DAB2IP: variants seen among roughly 807,000 people sequenced by gnomAD.
The protein encoded by DAB2IP is disabled homolog 2-interacting protein.
In DAB2IP, 28 loss-of-function variants were observed where a neutral mutation model predicts 107.2. The observed-to-expected ratio is 0.26, with a 90% confidence interval of 0.19 to 0.36. DAB2IP has a LOEUF of 0.36. DAB2IP is among the 10% of genes least tolerant of loss of function. DAB2IP has a pLI of 1.00. For synonymous variants in DAB2IP, 755 were observed against 706.4 expected, an observed-to-expected ratio of 1.07 and a Z score of -1.09; for missense variants, 1,400 against 1,644.7, an observed-to-expected ratio of 0.85 and a Z score of 2.57.
At chr9:121,682,958 G>C (rs1319856070) in intron 2 of DAB2IP, among the ~76,000 whole-genome samples, 1 of 152,154 alleles carries the variant, frequency 6.6e-6, no homozygotes. Context: ...CCTGAATGAG[G>C]ATGGGGGAAG....
At chr9:121,687,523 G>T (rs1253965895) in intron 2 of DAB2IP, among the ~76,000 whole-genome samples, 2 of 152,218 alleles carry the variant, frequency 1.3e-5, no homozygotes, top group African/African-American at 4.8e-5. Flanking sequence ...GGGTAAGGCG[G>T]GCATTGTGGG....
intron 1 of DAB2IP, among the ~76,000 whole-genome samples, chr9:121,666,600 G>T (rs1469197370): frequency 6.6e-6 from 1 of 152,098 alleles, no homozygotes; most frequent in African/African-American, 2.4e-5. Flanking sequence ...CTGTCGGCGG[G>T]TTGGGGGGCC....
intron 3 of DAB2IP, among the ~76,000 whole-genome samples, chr9:121,730,388 C>T (rs763091728): frequency 6.6e-6 from 1 of 152,238 alleles, no homozygotes; most frequent in Non-Finnish European, 1.5e-5. Flanking sequence ...GGGTCTGTTG[C>T]TGGGCCCTGC....
intron 1 of DAB2IP, among the ~76,000 whole-genome samples, chr9:121,594,388 C>T (rs998495120): frequency 6.6e-6 from 1 of 152,004 alleles, no homozygotes; most frequent in African/African-American, 2.4e-5. Context: ...CAGGTGTGTG[C>T]CACCATGCCC....
At chr9:121,640,586 T>C (rs937693883) in intron 1 of DAB2IP, among the ~76,000 whole-genome samples, 7 of 152,072 alleles carry the variant, frequency 4.6e-5, no homozygotes, top group Non-Finnish European at 8.8e-5. Context: ...TCTGGGCTTT[T>C]AAATGAGGAT....
At chr9:121,673,147 A>G (rs1465601013) in intron 1 of DAB2IP, among the ~76,000 whole-genome samples, 2 of 152,196 alleles carry the variant, frequency 1.3e-5, no homozygotes, top group African/African-American at 4.8e-5. Context: ...ATCAGCTCAG[A>G]GAGAGAAAGG....
rs928193365 is a variant in DAB2IP, at chr9:121,760,254, C to T, written c.985C>T (p.Arg329Cys). 1 of 1,613,812 alleles carries T rather than the reference C, an allele frequency of 6.2e-7. No individual in the cohort carries two copies. The highest frequency in any genetic ancestry group is 8.5e-7 in the Non-Finnish European group (1 of 1,180,012). Residue 329 changes from arginine (R) to cysteine (C), a missense_variant, in exon 6 of 16, where the codon CGC (arginine) becomes TGC (cysteine). Arg to Cys is a radical substitution (Grantham distance 180). Transcript: ENST00000408936. This position sits in a 1 kb window ranked among gnomAD's most constrained non-coding sequence, Gnocchi z 5.9. ...CGGCAAGGGCCCTGGACCCATGATC[C>T]GCATCAAGGCGCGCTACCAAACCAT...
chr9:121,629,222 C>T (rs1294595189), intron 1 of DAB2IP, among the ~76,000 whole-genome samples: 3 of 152,160 alleles, frequency 2.0e-5, no homozygotes, highest in Non-Finnish European at 4.4e-5. Context: ...AAAAGCAGTC[C>T]CTCAGGGACA....
intron 1 of DAB2IP, among the ~76,000 whole-genome samples, chr9:121,641,992 C>CTCTCTCTCT (rs1346700067): frequency 1.0e-4 from 3 of 29,326 alleles, no homozygotes; most frequent in Admixed American, 4.8e-4. Flanking sequence ...TTCTTTCTTT[C>CTCTCTCTCT]CTTTCTCTCT....
At chr9:121,783,210 T>A in exon 16 of DAB2IP, 1 of 1,166,250 alleles carries the variant, frequency 8.6e-7, no homozygotes, top group South Asian at 2.3e-5. Flanking sequence ...ATAGACCCAG[T>A]GAGGGCCATG....
At chr9:121,656,501 C>T (rs568793422) in intron 1 of DAB2IP, among the ~76,000 whole-genome samples, 50 of 152,354 alleles carry the variant, frequency 3.3e-4, no homozygotes, top group African/African-American at 1.2e-3. Flanking sequence ...TCATTATGCC[C>T]TTTTCTGCCT....
At chr9:121,584,356 T>C (rs1830269635) in intron 1 of DAB2IP, among the ~76,000 whole-genome samples, 2 of 151,636 alleles carry the variant, frequency 1.3e-5, no homozygotes, top group African/African-American at 4.9e-5. Flanking sequence ...TGAATTATAA[T>C]GTGATCACGC....
At chr9:121,589,206 G>T (rs1025954446) in intron 1 of DAB2IP, among the ~76,000 whole-genome samples, 4 of 152,120 alleles carry the variant, frequency 2.6e-5, no homozygotes, top group African/African-American at 9.7e-5. Context: ...CAGTAAGGTC[G>T]CTCAGTAGCC....
In DAB2IP at chr9:121,651,598, G is replaced by C. The variant is rs1832739716; in HGVS notation, c.-178G>C. 2 of 986,844 alleles carry C rather than the reference G, an allele frequency of 2.0e-6. No individual in the cohort carries two copies. Among genetic ancestry groups the C allele is most frequent in the Non-Finnish European group, 1.2e-6 (1 of 818,016 alleles). The allele number at this position is 986,844 out of a possible 1,614,324, so 61.1% of individuals were successfully genotyped here. A position where few individuals can be genotyped will look rare whatever the true frequency, so the allele number is the denominator to read the frequency against. ...CGCCGCGGGGCCGGCTGCTCGGGGA[G>C]CGGGAGGGGGCAGGAGGCGGAGGAG... On this transcript the variant is annotated 5_prime_UTR_variant, in exon 1 of 16. Coordinates refer to ENST00000408936, the Ensembl canonical transcript of DAB2IP. This position sits in a 1 kb window ranked among gnomAD's most constrained non-coding sequence, Gnocchi z 5.1.
rs1421398966 is a variant in DAB2IP at position 121,579,711 on chromosome 9, GTC to G, written c.40+12487_40+12488del. On this transcript the variant is annotated intron_variant, in intron 1 of 16. Transcript: ENST00000259371. ...CATCGATCTGTCAGTCCACATGCCT[GTC>G]TCTGCCACACACCTTGGAGCTTCAT... 2.0e-5 allele frequency among the ~76,000 whole-genome samples: 3 copies of G among 152,176 alleles called. No homozygotes were observed. In the East Asian group the frequency reaches 5.8e-4, roughly 29 times the overall value.
At chr9:121,589,065 C>T (rs1234719622) in intron 1 of DAB2IP, among the ~76,000 whole-genome samples, 1 of 152,066 alleles carries the variant, frequency 6.6e-6, no homozygotes, top group Non-Finnish European at 1.5e-5. Flanking sequence ...TCCCTGCCTC[C>T]TACTCACTCC....
intron 1 of DAB2IP, among the ~76,000 whole-genome samples, chr9:121,617,036 A>G (rs1442991625): frequency 1.3e-5 from 2 of 152,158 alleles, no homozygotes; most frequent in Non-Finnish European, 2.9e-5. Context: ...TTCCGTGAAT[A>G]AAAAGGGAGT....
chr9:121,715,510 A>G (rs1187735562), intron 3 of DAB2IP, among the ~76,000 whole-genome samples: 14 of 147,214 alleles, frequency 9.5e-5, no homozygotes, highest in Admixed American at 8.1e-4. Flanking sequence ...CTACCACCAC[A>G]CCCGGCTAAT....
chr9:121,761,709 C>G (rs1833906272), intron 6 of DAB2IP, among the ~76,000 whole-genome samples: 2 of 152,216 alleles, frequency 1.3e-5, no homozygotes, highest in Non-Finnish European at 2.9e-5. Flanking sequence ...CCTTCTCCCC[C>G]AGCCTTCAGA....
Sources: allele counts gnomAD v4.1 joint callset (sites outside exome capture counted in the v4.1 genomes callset), GRCh38; gene constraint gnomAD v4.1.1; non-coding constraint Gnocchi (gnomAD v3.1); transcripts MANE v1.5; gene names NCBI Gene and HGNC (gene_info 2026-07-23, HGNC 2026-07-21).